The following CISD1 variants were observed in gnomAD, a reference collection of about 807,000 sequenced individuals.
CISD1 encodes the protein CDGSH iron-sulfur domain-containing protein 1.
A neutral mutation model predicts 12.0 loss-of-function variants in CISD1; 8 were observed. The observed-to-expected ratio is 0.67, with a 90% CI of 0.39 to 1.20. The LOEUF (loss-of-function observed/expected upper bound fraction) is 1.20. CISD1 is among the 50% of genes most tolerant of loss of function. CISD1 has a pLI of 0.01. For missense variants in CISD1, 107 were observed against 132.7 expected, an observed-to-expected ratio of 0.81 and a Z score of 0.95; for synonymous variants, 38 against 42.2, an observed-to-expected ratio of 0.90 and a Z score of 0.39.
intron 2 of CISD1, among the ~76,000 whole-genome samples, chr10:58,279,153 T>A (rs1839347720): frequency 6.6e-6 from 1 of 152,358 alleles, no homozygotes; most frequent in South Asian, 2.1e-4. Context: ...TTTCTGATGG[T>A]TCCTTGTATA....
chr10:58,274,876 A>G (rs1406130465), intron 1 of CISD1, among the ~76,000 whole-genome samples: 2 of 152,220 alleles, frequency 1.3e-5, no homozygotes, highest in African/African-American at 4.8e-5. Flanking sequence ...AGAATGCAAG[A>G]AGAATGGGAT....
At chr10:58,269,429 G>A (rs970399456) in intron 1 of CISD1, 125 bp downstream of exon 1, 3 of 859,780 alleles carry the variant, frequency 3.5e-6, no homozygotes, top group Middle Eastern at 2.5e-4. Flanking sequence ...AGATGCAGAA[G>A]GGCAAGCGCT....
chr10:58,277,473 G>A, intron 2 of CISD1, 151 bp downstream of exon 2: 1 of 585,052 alleles, frequency 1.7e-6, no homozygotes, highest in Non-Finnish European at 2.9e-6. Context: ...AGGCTGGAGT[G>A]CAGTGGTGTG....
At chr10:58,286,189 A>G (rs1275200485) in intron 2 of CISD1, among the ~76,000 whole-genome samples, 2 of 150,804 alleles carry the variant, frequency 1.3e-5, no homozygotes, top group Admixed American at 1.3e-4. Flanking sequence ...TGGGCGACAG[A>G]GCAAGACTCC....
At chr10:58,275,279 T>C (rs1016852086) in intron 1 of CISD1, among the ~76,000 whole-genome samples, 11 of 152,272 alleles carry the variant, frequency 7.2e-5, no homozygotes, top group African/African-American at 2.6e-4. Context: ...AGCTAAGAAG[T>C]GGATTGCTAC....
At chr10:58,284,257 G>C (rs959417318) in intron 2 of CISD1, among the ~76,000 whole-genome samples, 1 of 151,794 alleles carries the variant, frequency 6.6e-6, no homozygotes, top group Non-Finnish European at 1.5e-5. Flanking sequence ...GATCCCTTGA[G>C]CCTGGGAGAT....
intron 1 of CISD1, among the ~76,000 whole-genome samples, chr10:58,273,652 A>G (rs1167855562): frequency 6.6e-6 from 1 of 152,210 alleles, no homozygotes; most frequent in Non-Finnish European, 1.5e-5. Context: ...AGATTATACA[A>G]TAGTACTCCA....
In CISD1 at chr10:58,289,025, A is replaced by G. The variant is rs898389820; in HGVS notation, c.*1375A>G. On this transcript the variant is annotated 3_prime_UTR_variant, in exon 3 of 3. Transcript: ENST00000333926. The stretch of plus-strand genomic sequence containing the variant: ...TGTATTACTGTAGATAAAAGTTGGT[A>G]ACAAAATTGTACAGTGGTTTTAAGA... 17 of 152,356 alleles carry G rather than the reference A, an allele frequency of 1.1e-4. No homozygotes were observed. Among genetic ancestry groups the G allele is most frequent in the African/African-American group, 4.1e-4 (17 of 41,580 alleles). The allele number at this position is 152,356 out of a possible 1,614,324, so 9.4% of individuals were successfully genotyped here.
Position 58,288,611 on chromosome 10 carries a change from GTGTT to G in CISD1, c.*967_*970del, listed in dbSNP as rs1244735079. The G allele has an allele frequency of 6.6e-6, 1 of 152,092 alleles. No homozygotes were observed. Among genetic ancestry groups the G allele is most frequent in the Non-Finnish European group, 1.5e-5 (1 of 67,952 alleles). The allele number at this position is 152,092 out of a possible 1,614,324, so 9.4% of individuals were successfully genotyped here. On this transcript the variant is annotated 3_prime_UTR_variant, in exon 3 of 3. Transcript: ENST00000333926. ...CTTAAAAGCAAAAATTTGAAGACAAGTGTTTGTTTATGTAATATTCTTCAAAGAC... is the reference window on the plus strand; with the variant it reads ...CTTAAAAGCAAAAATTTGAAGACAAGTGTTTATGTAATATTCTTCAAAGAC...
chr10:58,285,534 A>C (rs1839419616), intron 2 of CISD1, among the ~76,000 whole-genome samples: 1 of 151,980 alleles, frequency 6.6e-6, no homozygotes, highest in Admixed American at 6.6e-5. Context: ...GAGTGTAGAT[A>C]CATTCAAAAC....
At chr10:58,277,052 T>C (rs998246292) in intron 1 of CISD1, 65 bp from the exon 2 acceptor site, 2 of 1,146,804 alleles carry the variant, frequency 1.7e-6, no homozygotes, top group African/African-American at 3.1e-5. Context: ...TTTTCTGACA[T>C]GCATGTGATA....
intron 2 of CISD1, among the ~76,000 whole-genome samples, 166 bp from the exon 3 acceptor site, chr10:58,287,395 A>G (rs1025561791): frequency 6.6e-6 from 1 of 152,220 alleles, no homozygotes; most frequent in South Asian, 2.1e-4. Context: ...CAATTTCTTC[A>G]TCTTACTAAG....
At chr10:58,271,063 G>A (rs1202181609) in intron 1 of CISD1, among the ~76,000 whole-genome samples, 2 of 78,840 alleles carry the variant, frequency 2.5e-5, no homozygotes, top group African/African-American at 1.1e-4. Flanking sequence ...TTTTTGAGGC[G>A]GAGTCTCGCT....
chr10:58,272,975 G>T (rs2790177), intron 1 of CISD1, among the ~76,000 whole-genome samples: 51,456 of 151,986 alleles, frequency 0.34, 10,954 homozygotes, highest in African/African-American at 0.61. Flanking sequence ...AATTGATGGT[G>T]GTTAGAGCTA....
At chr10:58,269,383 C>T in intron 1 of CISD1, 79 bp downstream of exon 1, 2 of 1,322,400 alleles carry the variant, frequency 1.5e-6, no homozygotes, top group South Asian at 1.2e-5. Context: ...GGTTGTTTTA[C>T]CACTGCCCTA....
At chr10:58,284,541 A>T (rs1469739139) in intron 2 of CISD1, among the ~76,000 whole-genome samples, 1 of 152,174 alleles carries the variant, frequency 6.6e-6, no homozygotes, top group Non-Finnish European at 1.5e-5. Context: ...TTAACAAATA[A>T]CCAGGATAAA....
intron 1 of CISD1, among the ~76,000 whole-genome samples, chr10:58,271,993 A>G (rs549547935): frequency 6.6e-6 from 1 of 152,276 alleles, no homozygotes; most frequent in South Asian, 2.1e-4. Context: ...CTTTCTGAAC[A>G]TCATCCTGCT....
At chr10:58,275,409 AG>A (rs1839301242) in intron 1 of CISD1, among the ~76,000 whole-genome samples, 1 of 152,238 alleles carries the variant, frequency 6.6e-6, no homozygotes, top group Admixed American at 6.5e-5. Flanking sequence ...GAATAACCAC[AG>A]GGTAATACCA....
At chr10:58,284,287 G>A (rs1180077476) in intron 2 of CISD1, among the ~76,000 whole-genome samples, 2 of 150,790 alleles carry the variant, frequency 1.3e-5, no homozygotes, top group Non-Finnish European at 2.9e-5. Flanking sequence ...AGTAAGCTGC[G>A]ATTGCACCAC....
Sources: gnomAD v4.1 joint callset for allele counts (sites outside exome capture counted in the v4.1 genomes callset) on GRCh38, gnomAD v4.1.1 for gene constraint, MANE v1.5 for transcripts, NCBI Gene and HGNC (gene_info 2026-07-23, HGNC 2026-07-21) for gene names.